ACSL5: variants seen among roughly 807,000 people sequenced by gnomAD.
ACSL5 encodes acyl-CoA synthetase long chain family member 5.
In ACSL5, 50 loss-of-function variants were observed where a neutral mutation model predicts 84.9. The observed-to-expected ratio is 0.59, with a 90% CI of 0.47 to 0.75. The LOEUF (loss-of-function observed/expected upper bound fraction) is 0.75, where lower values mean the gene tolerates loss of function less well. Ranked by LOEUF, ACSL5 falls within the 30% of genes least tolerant of loss-of-function variation. The pLI, the probability that ACSL5 is intolerant of heterozygous loss-of-function variation, is 0.00. For missense variants in ACSL5, 775 were observed against 830.4 expected (o/e 0.93, Z 0.82); for synonymous variants, 280 against 300.7 (o/e 0.93, Z 0.71).
At chr10:112,383,144 G>A (rs773477894) in intron 1 of ACSL5, among the ~76,000 whole-genome samples, 4 of 152,200 alleles carry the variant, frequency 2.6e-5, no homozygotes, top group Non-Finnish European at 5.9e-5. Flanking sequence ...CAAAAGCCGA[G>A]TGTGGTTGTG....
chr10:112,423,376 T>C (rs1268212795), intron 17 of ACSL5, among the ~76,000 whole-genome samples: 1 of 149,770 alleles, frequency 6.7e-6, no homozygotes, highest in African/African-American at 2.5e-5. Context: ...AAAAAAATTT[T>C]TATAGAGATG....
intron 14 of ACSL5, chr10:112,418,690 G>T (rs963516371): frequency 5.5e-5 from 8 of 144,632 alleles, no homozygotes; most frequent in African/African-American, 1.8e-4. Context: ...CACATATTTT[G>T]TATATGTATT....
intron 12 of ACSL5, among the ~76,000 whole-genome samples, chr10:112,415,391 G>A (rs528318398): frequency 6.6e-6 from 1 of 152,224 alleles, no homozygotes; most frequent in African/African-American, 2.4e-5. Context: ...AGTAGAGACG[G>A]GTTTTCACCG....
intron 1 of ACSL5, among the ~76,000 whole-genome samples, chr10:112,378,321 A>ACTG (rs1849283289): frequency 7.8e-6 from 1 of 128,966 alleles, no homozygotes; most frequent in Non-Finnish European, 1.5e-5. Flanking sequence ...ATCTTGGCTC[A>ACTG]CTGCAACCTC....
At chr10:112,426,463 C>G in intron 19 of ACSL5, 104 bp downstream of exon 19, 2 of 929,152 alleles carry the variant, frequency 2.2e-6, no homozygotes. Flanking sequence ...GCAGCCCAAA[C>G]AGACTGAATA....
chr10:112,389,729 T>G (rs1271565069), intron 1 of ACSL5, among the ~76,000 whole-genome samples: 1 of 152,170 alleles, frequency 6.6e-6, no homozygotes, highest in African/African-American at 2.4e-5. Context: ...TTCTTTGAAC[T>G]TACTTGGAAG....
At chr10:112,401,992 G>T (rs934180410) in intron 3 of ACSL5, among the ~76,000 whole-genome samples, 2 of 144,866 alleles carry the variant, frequency 1.4e-5, no homozygotes, top group African/African-American at 5.1e-5. Context: ...TTTCTTCAGG[G>T]TCTGGCTCTG....
At chr10:112,406,907 C>T (rs569823877) in intron 5 of ACSL5, among the ~76,000 whole-genome samples, 1 of 152,238 alleles carries the variant, frequency 6.6e-6, no homozygotes, top group East Asian at 1.9e-4. Context: ...TTTTATGCTG[C>T]TGATAAAGAC....
At chr10:112,383,758 C>G (rs1483459138) in intron 1 of ACSL5, among the ~76,000 whole-genome samples, 1 of 152,076 alleles carries the variant, frequency 6.6e-6, no homozygotes, top group Non-Finnish European at 1.5e-5. Context: ...GTAGAACTTT[C>G]TAAATTAGCT....
In ACSL5 at chr10:112,404,800, G is replaced by A; in HGVS notation, c.426G>A (p.Arg142=). 6.2e-7 allele frequency: 1 copy of A among 1,612,002 alleles called. No individual in the cohort carries two copies. Among genetic ancestry groups the A allele is most frequent in the Non-Finnish European group, 8.5e-7 (1 of 1,178,604 alleles). The change falls in exon 5 of 21, where the codon AGG becomes AGA. Residue 142 remains arginine, a synonymous_variant. Transcript: ENST00000354655. ...TTGTCGGCATCTTTGCTCAGAATAG[G>A]CCAGAGGTAACTATGTTGAAGTTAA... ...DQFVGIFAQN[R]PEWIISELAC...
intron 3 of ACSL5, among the ~76,000 whole-genome samples, chr10:112,401,792 CTT>C (rs1203205582): frequency 0.057 from 5,364 of 94,298 alleles, 180 homozygotes; most frequent in African/African-American, 0.098. Context: ...CTTTCTCTTT[CTT>C]TCTTTCTTTC....
rs1844783563 is a variant in ACSL5 at position 112,427,555 on chromosome 10, A to G, written c.*197A>G. 1 of 433,454 alleles carries G rather than the reference A, an allele frequency of 2.3e-6. No individual in the cohort carries two copies. Among genetic ancestry groups the G allele is most frequent in the African/African-American group, 2.1e-5 (1 of 48,556 alleles). 26.9% of individuals were successfully genotyped at this position (433,454 alleles called of 1,614,324 possible). On this transcript the variant is annotated 3_prime_UTR_variant, in exon 21 of 21. Transcript: ENST00000354655. ...CAAATAAATCAATCCTGTCTTTCCC[A>G]TCTTCGATGTTGCTAATATTAAGGC... is the stretch of plus-strand genomic sequence containing the variant.
chr10:112,395,142 CA>C, intron 2 of ACSL5, 40 bp downstream of exon 2: 1 of 1,582,888 alleles, frequency 6.3e-7, no homozygotes. Flanking sequence ...CAACCTTCCT[CA>C]AACTCAAACT....
intron 1 of ACSL5, among the ~76,000 whole-genome samples, chr10:112,380,573 A>G (rs1405872853): frequency 6.6e-6 from 1 of 151,694 alleles, no homozygotes; most frequent in Non-Finnish European, 1.5e-5. Flanking sequence ...CCTCTAGCAC[A>G]TCTGGCCATT....
At position 112,427,469 on chromosome 10, in the gene ACSL5, T is replaced by TAA. The variant is rs1182520072; in HGVS notation, c.*113_*114dup. 3.8e-6 allele frequency: 4 copies of TAA among 1,043,376 alleles called. No homozygotes were observed. The African/African-American group carries it at 6.6e-5, about 17-fold the overall frequency. 64.6% of individuals were successfully genotyped at this position (1,043,376 alleles called of 1,614,324 possible). On this transcript the variant is annotated 3_prime_UTR_variant, in exon 21 of 21. Coordinates refer to ENST00000354655, the MANE Select transcript of ACSL5 (RefSeq NM_203379.2). The stretch of plus-strand genomic sequence containing the variant: ...TTCCTCCTATTTTTTTTTAACCTGT[T>TAA]AAACTCTAAAGCCATAGCTTTTGTT...
intron 3 of ACSL5, among the ~76,000 whole-genome samples, chr10:112,401,514 A>C (rs1250605239): frequency 6.6e-6 from 1 of 152,232 alleles, no homozygotes; most frequent in Non-Finnish European, 1.5e-5. Flanking sequence ...CTCTTTGTAG[A>C]TGGCCACAGC....
chr10:112,401,207 C>T (rs1419356178), intron 3 of ACSL5, among the ~76,000 whole-genome samples: 1 of 152,040 alleles, frequency 6.6e-6, no homozygotes, highest in Non-Finnish European at 1.5e-5. Context: ...CAGAGGGACA[C>T]TCCATCTCAA....
chr10:112,426,544 G>A, intron 19 of ACSL5, 185 bp downstream of exon 19: 1 of 621,742 alleles, frequency 1.6e-6, no homozygotes, highest in Non-Finnish European at 2.8e-6. Flanking sequence ...AAAATAATAT[G>A]TTCATTGTGG....
Position 112,428,279 on chromosome 10 carries a change from C to G in ACSL5, c.*921C>G, listed in dbSNP as rs937625532. 3 of 390,450 alleles carry G rather than the reference C, an allele frequency of 7.7e-6. No individual in the cohort carries two copies. Among genetic ancestry groups the G allele is most frequent in the African/African-American group, 2.1e-5 (1 of 48,464 alleles). The allele number at this position is 390,450 out of a possible 1,614,324, so 24.2% of individuals were successfully genotyped here. On this transcript the variant is annotated 3_prime_UTR_variant, in exon 21 of 21. Transcript: ENST00000354655. ...TGTGAAGGAACCAACTGATCTCCCCCACCCTTGGATTAGAGTTCCTGCTCT... is the reference window on the plus strand; with the variant it reads ...TGTGAAGGAACCAACTGATCTCCCCGACCCTTGGATTAGAGTTCCTGCTCT...
Sources: gnomAD v4.1 joint callset for allele counts (sites outside exome capture counted in the v4.1 genomes callset) on GRCh38, gnomAD v4.1.1 for gene constraint, MANE v1.5 for transcripts, NCBI Gene and HGNC (gene_info 2026-07-23, HGNC 2026-07-21) for gene names.